AIM2: variants seen among roughly 807,000 people sequenced by gnomAD.
AIM2 encodes the protein interferon-inducible protein AIM2.
In AIM2, 30 loss-of-function variants were observed where a neutral mutation model predicts 27.7. The observed-to-expected ratio is 1.08, with a 90% CI of 0.81 to 1.47. The LOEUF (loss-of-function observed/expected upper bound fraction) is 1.47, where lower values mean the gene tolerates loss of function less well. Ranked by LOEUF, AIM2 falls within the 40% of genes most tolerant of loss-of-function variation. The probability of loss-of-function intolerance (pLI) is 0.00; values close to 1 mark genes in which losing one functional copy is unlikely to be tolerated. For synonymous variants in AIM2, 141 were observed against 145.3 expected, an observed-to-expected ratio of 0.97 and a Z score of 0.21; for missense variants, 358 against 411.3, an observed-to-expected ratio of 0.87 and a Z score of 1.12.
chr1:159,144,200 T>C (rs1648164877), upstream of AIM2, among the ~76,000 whole-genome samples: 1 of 152,190 alleles, frequency 6.6e-6, no homozygotes, highest in Admixed American at 6.5e-5. Context: ...TTGACTGGAT[T>C]GCTTCTTTCC....
chr1:159,114,377 A>G (rs1341610046), intron 1 of AIM2, among the ~76,000 whole-genome samples: 1 of 152,230 alleles, frequency 6.6e-6, no homozygotes, highest in Non-Finnish European at 1.5e-5. Flanking sequence ...AAAGGGTCCA[A>G]TAAAGTGACC....
intron 1 of AIM2, among the ~76,000 whole-genome samples, chr1:159,120,003 T>TAA (rs1454865582): frequency 6.6e-6 from 1 of 152,186 alleles, no homozygotes; most frequent in African/African-American, 2.4e-5. Context: ...ATGTTATATA[T>TAA]AATCTTATGT....
chr1:159,127,948 G>C (rs1371688011), intron 1 of AIM2, among the ~76,000 whole-genome samples: 1 of 152,110 alleles, frequency 6.6e-6, no homozygotes, highest in Non-Finnish European at 1.5e-5. Flanking sequence ...ACCAAAGTTA[G>C]TCTGCCCATC....
chr1:159,056,110 G>A, the AIM2 span, among the ~76,000 whole-genome samples: 1 of 152,198 alleles, frequency 6.6e-6, no homozygotes, highest in African/African-American at 2.4e-5. Context: ...GCCATGAAAA[G>A]TTAGGCTCGC....
intron 1 of AIM2, among the ~76,000 whole-genome samples, chr1:159,088,474 G>T (rs115709436): frequency 1.3e-5 from 2 of 152,220 alleles, no homozygotes; most frequent in East Asian, 3.9e-4. Flanking sequence ...GGAGGCAAAT[G>T]ATGTTCCTCC....
Position 159,084,577 on chromosome 1 carries a change from G to A in AIM2, c.-15-18248C>T, listed in dbSNP as rs145426033. On this transcript the variant is annotated intron_variant, in intron 1 of 2. Coordinates refer to the AIM2 transcript ENST00000368129. ...GCTTGAAGCCAGGAGTTCAAGTCCA[G>A]CCTGAGCAAAAAACGGCGACCTTAT... Among the ~76,000 whole-genome samples, 207 of 151,446 alleles carry A rather than the reference G, an allele frequency of 1.4e-3. 4 individuals are homozygous for A. In the East Asian group the frequency reaches 0.034, roughly 25 times the overall value.
chr1:159,113,563 C>A (rs77534583), intron 1 of AIM2, among the ~76,000 whole-genome samples: 6,299 of 152,256 alleles, frequency 0.041, 327 homozygotes, highest in African/African-American at 0.12. Flanking sequence ...GGTTTAAAAT[C>A]GGACTACCTA....
At chr1:159,082,531 ATGTT>A (rs1656802748) in intron 1 of AIM2, among the ~76,000 whole-genome samples, 2 of 151,892 alleles carry the variant, frequency 1.3e-5, no homozygotes, top group East Asian at 3.9e-4. Flanking sequence ...AGGTCTTGCC[ATGTT>A]GCCAAAGCTG....
intron 4 of AIM2, 62 bp downstream of exon 4, chr1:159,065,848 A>G: frequency 6.7e-7 from 1 of 1,487,368 alleles, no homozygotes; most frequent in Middle Eastern, 1.8e-4. Context: ...AAGTTTCTTT[A>G]AGATCAGATG....
At chr1:159,136,221 T>C (rs979662292) in intron 1 of AIM2, among the ~76,000 whole-genome samples, 2 of 152,150 alleles carry the variant, frequency 1.3e-5, no homozygotes, top group Non-Finnish European at 2.9e-5. Context: ...GGGCCACAGA[T>C]AAAATCTCTC....
At chr1:159,141,491 T>A (rs534332591), upstream of AIM2, among the ~76,000 whole-genome samples, 10 of 151,906 alleles carry the variant, frequency 6.6e-5, no homozygotes, top group South Asian at 1.3e-3. Context: ...AGAGAGAAGG[T>A]CCAGGATTCT....
At chr1:159,086,931 T>C (rs1029017658) in intron 1 of AIM2, among the ~76,000 whole-genome samples, 3 of 152,238 alleles carry the variant, frequency 2.0e-5, no homozygotes, top group African/African-American at 4.8e-5. Context: ...GTCTGCCTTT[T>C]TCAGTGAAGT....
chr1:159,101,686 G>A (rs1453530706), intron 1 of AIM2, among the ~76,000 whole-genome samples: 2 of 152,172 alleles, frequency 1.3e-5, no homozygotes, highest in Non-Finnish European at 2.9e-5. Context: ...ATGGAGATGA[G>A]GAACTTCTTG....
At position 159,094,711 on chromosome 1, in the gene AIM2, A is replaced by T. The variant is rs145463426; in HGVS notation, c.-15-28382T>A. On this transcript the variant is annotated intron_variant, in intron 1 of 2. Transcript: ENST00000368129. ...AGACTCTGTCTCCGAAGAAAAAATG[A>T]AAAGAAAACAAATCAAATGTTCTCA... 4.4e-4 allele frequency among the ~76,000 whole-genome samples: 67 copies of T among 152,328 alleles called. No homozygotes were observed. The East Asian group carries it at 0.013, about 28-fold the overall frequency.
intron 1 of AIM2, among the ~76,000 whole-genome samples, chr1:159,117,799 G>A (rs1647418319): frequency 6.6e-6 from 1 of 151,954 alleles, no homozygotes; most frequent in Non-Finnish European, 1.5e-5. Context: ...CTTTCCCCGT[G>A]CAGTGTCTTG....
chr1:159,130,984 T>A (rs554975432), intron 1 of AIM2, among the ~76,000 whole-genome samples: 23 of 152,272 alleles, frequency 1.5e-4, no homozygotes, highest in African/African-American at 4.6e-4. Context: ...GAGTGCTTTT[T>A]TTCTCTCCTT....
chr1:159,141,825 G>A (rs949354361), upstream of AIM2, among the ~76,000 whole-genome samples: 8 of 152,018 alleles, frequency 5.3e-5, no homozygotes, highest in African/African-American at 9.7e-5. Context: ...TCCACCAGCC[G>A]GCTTCATCAA....
intron 1 of AIM2, among the ~76,000 whole-genome samples, chr1:159,135,864 G>A (rs561415302): frequency 1.7e-3 from 258 of 152,222 alleles, no homozygotes; most frequent in Non-Finnish European, 3.0e-3. Flanking sequence ...CCAAGCCCTC[G>A]TCTCCTGTCT....
chr1:159,143,842 A>G (rs1300457013), upstream of AIM2, among the ~76,000 whole-genome samples: 1 of 152,184 alleles, frequency 6.6e-6, no homozygotes, highest in African/African-American at 2.4e-5. Flanking sequence ...ATATCATGGC[A>G]TGGTTCTACT....
Sources: gnomAD v4.1 joint callset for allele counts (sites outside exome capture counted in the v4.1 genomes callset) on GRCh38, gnomAD v4.1.1 for gene constraint, MANE v1.5 for transcripts, NCBI Gene and HGNC (gene_info 2026-07-23, HGNC 2026-07-21) for gene names.